TFAP2A: variants seen among roughly 807,000 people sequenced by gnomAD.
The protein encoded by TFAP2A is transcription factor AP-2-alpha.
In TFAP2A, 7 loss-of-function variants were observed where a neutral mutation model predicts 41.5. The ratio of observed to expected loss-of-function variants is 0.17; its 90% CI spans 0.10 to 0.32. TFAP2A has a LOEUF of 0.32. TFAP2A is among the 10% of genes least tolerant of loss of function. TFAP2A has a pLI of 1.00. For missense variants in TFAP2A, 416 were observed against 563.3 expected (o/e 0.74, Z 2.65); for synonymous variants, 247 against 242.8 (o/e 1.02, Z -0.16).
Position 10,398,484 on chromosome 6 carries a change from T to C in TFAP2A, c.1253A>G (p.Asn418Ser). 1 of 1,614,232 alleles carries C rather than the reference T, an allele frequency of 6.2e-7. No homozygotes were observed. Among genetic ancestry groups the C allele is most frequent in the South Asian group, 1.1e-5 (1 of 91,080 alleles). Reference protein sequence around the residue: ...LKAMDKMYLSNNPNSHTDNNA... With the variant: ...LKAMDKMYLSSNPNSHTDNNA... Reference sequence around the variant, plus strand: ...GTTGTCCGTGTGGCTGTTGGGGTTGTTGCTGAGGTACATTTTGTCCATGGC... The same window carrying C: ...GTTGTCCGTGTGGCTGTTGGGGTTGCTGCTGAGGTACATTTTGTCCATGGC... The change falls in exon 7 of 7, where the codon AAC becomes AGC. Residue 418 changes from asparagine (N) to serine (S), a missense_variant. By Grantham distance (46) the Asn-to-Ser change is conservative (BLOSUM62 1). Transcript: ENST00000379613. The surrounding 1 kb of genome is among the most constrained non-coding windows in gnomAD (Gnocchi z 5.3).
At chr6:10,408,278 CA>C (rs1238217128) in intron 2 of TFAP2A, among the ~76,000 whole-genome samples, 3 of 152,242 alleles carry the variant, frequency 2.0e-5, no homozygotes, top group Admixed American at 2.0e-4. Flanking sequence ...GAGGGAAAAA[CA>C]GCAACTGGGT....
intron 1 of TFAP2A, chr6:10,411,561 G>C (rs367606618): frequency 1.2e-6 from 2 of 1,613,932 alleles, no homozygotes; most frequent in African/African-American, 2.7e-5. Context: ...GGGTGGGGAT[G>C]GGACTCACCA....
rs1043516659 is a variant in TFAP2A, at chr6:10,398,265, G to T, written c.*152C>A. 3.9e-6 allele frequency: 6 copies of T among 1,554,066 alleles called. No homozygotes were observed. The highest frequency in any genetic ancestry group is 2.3e-5 in the East Asian group (1 of 43,540). ...GAGAGGGCAGTCCCGGAGACTCGGGGGGACCCAAGGGCAGCGGCGGCGGCG... is the reference window on the plus strand; with the variant it reads ...GAGAGGGCAGTCCCGGAGACTCGGGTGGACCCAAGGGCAGCGGCGGCGGCG... On this transcript the variant is annotated 3_prime_UTR_variant, in exon 7 of 7. Coordinates refer to ENST00000379613, the MANE Select transcript of TFAP2A (RefSeq NM_001372066.1). This position sits in a 1 kb window ranked among gnomAD's most constrained non-coding sequence, Gnocchi z 5.3.
At chr6:10,412,179 G>C (rs528943997) in intron 1 of TFAP2A, 1 of 987,752 alleles carries the variant, frequency 1.0e-6, no homozygotes. Flanking sequence ...AGTGGGGAGA[G>C]GGAGCGCGAG....
At chr6:10,401,871 T>C (rs1339254720) in intron 5 of TFAP2A, among the ~76,000 whole-genome samples, 1 of 152,222 alleles carries the variant, frequency 6.6e-6, no homozygotes, top group African/African-American at 2.4e-5. Flanking sequence ...CTTTTTGTTT[T>C]GAGGCATTTG....
Position 10,409,823 on chromosome 6 carries a change from G to GGAACA in TFAP2A, c.486+77_486+78insTGTTC, listed in dbSNP as rs759495024. On this transcript the variant is annotated intron_variant, in intron 2 of 6. Transcript: ENST00000379613. ...TAGGGAGAACCCGGGCCCACCGACT[G>GGAACA]TATGTTCCAGGTATCCTTTCTGGGG... 7.3e-6 allele frequency: 11 copies of GGAACA among 1,497,846 alleles called. No homozygotes were observed. In the Middle Eastern group the frequency reaches 5.0e-4, roughly 68 times the overall value. 92.8% of individuals were successfully genotyped at this position (1,497,846 alleles called of 1,614,324 possible). A position where few individuals can be genotyped will look rare whatever the true frequency, so the allele number is the denominator to read the frequency against.
At chr6:10,413,098 A>G (rs2113220369) in intron 1 of TFAP2A, among the ~76,000 whole-genome samples, 1 of 152,044 alleles carries the variant, frequency 6.6e-6, no homozygotes, top group Non-Finnish European at 1.5e-5. Flanking sequence ...TGCCTTTGCC[A>G]GTCTACCCGC....
upstream of TFAP2A, among the ~76,000 whole-genome samples, chr6:10,417,566 C>A (rs762241756): frequency 6.6e-6 from 1 of 152,164 alleles, no homozygotes; most frequent in Non-Finnish European, 1.5e-5. Flanking sequence ...GGTTGGAGGT[C>A]GGAGATCCAG....
intron 3 of TFAP2A, 109 bp downstream of exon 3, chr6:10,406,684 G>T: frequency 1.0e-6 from 1 of 961,170 alleles, no homozygotes; most frequent in Non-Finnish European, 1.7e-6. Flanking sequence ...TGCTAATTCT[G>T]AGCCTTTAGG....
At chr6:10,400,372 G>A in intron 6 of TFAP2A, 76 bp downstream of exon 6, 2 of 1,585,546 alleles carry the variant, frequency 1.3e-6, no homozygotes, top group South Asian at 2.2e-5. Context: ...AAGGGAGAAG[G>A]AAGAGCAAAA....
upstream of TFAP2A, chr6:10,415,467 G>T: frequency 3.8e-6 from 1 of 263,686 alleles, no homozygotes; most frequent in Non-Finnish European, 7.4e-6. Flanking sequence ...GCTCCGCCGC[G>T]AGGCCCTGCC....
chr6:10,410,305 C>T lies in TFAP2A; in HGVS notation c.82G>A (p.Ala28Thr), dbSNP rs1247903803. ...DRHDGTSNGT[A>T]RLPQLGTVGQ... Reference sequence around the variant, plus strand: ...ACAGTGCCCAGCTGGGGCAACCGTGCCGTCCCGTTGCTGGTGCCGTCGTGA... The same window carrying T: ...ACAGTGCCCAGCTGGGGCAACCGTGTCGTCCCGTTGCTGGTGCCGTCGTGA... The change falls in exon 2 of 7, where the codon GCA (alanine) becomes ACA (threonine). Residue 28 changes from alanine (A) to threonine (T), a missense_variant. Around this residue, in one of 3 missense-constraint regions of TFAP2A, gnomAD observed 241 missense variants for 274.1 expected, o/e 0.88. Transcript: ENST00000379613. 3 of 1,612,104 alleles carry T rather than the reference C, an allele frequency of 1.9e-6. No individual in the cohort carries two copies. The highest frequency in any genetic ancestry group is 1.7e-6 in the Non-Finnish European group (2 of 1,179,506).
chr6:10,412,953 G>C (rs1038097330), intron 1 of TFAP2A: 2 of 152,670 alleles, frequency 1.3e-5, no homozygotes, highest in Admixed American at 1.3e-4. Context: ...GGGCCGGGGC[G>C]CGCACAGACG....
At chr6:10,404,481 G>C in intron 4 of TFAP2A, 27 bp downstream of exon 4, 1 of 1,480,246 alleles carries the variant, frequency 6.8e-7, no homozygotes, top group Non-Finnish European at 9.0e-7. Context: ...CGCGGGGCGG[G>C]GCGGGCGGGG....
At chr6:10,415,090 A>G, upstream of TFAP2A, 1 of 1,593,354 alleles carries the variant, frequency 6.3e-7, no homozygotes, top group Non-Finnish European at 8.6e-7. Flanking sequence ...TGAGCGCAGG[A>G]GGAGGAGGAG....
Position 10,410,319 on chromosome 6 carries a change from G to A in TFAP2A, c.68C>T (p.Thr23Ile). 6.2e-7 allele frequency: 1 copy of A among 1,611,640 alleles called. No individual in the cohort carries two copies. Among genetic ancestry groups the A allele is most frequent in the East Asian group, 2.2e-5 (1 of 44,794 alleles). ...GGGCAACCGTGCCGTCCCGTTGCTG[G>A]TGCCGTCGTGACGGTCCTAGAAGAG... is the stretch of plus-strand genomic sequence containing the variant. ...YEDCEDRHDG[T>I]SNGTARLPQL... The change falls in exon 2 of 7, where the codon ACC becomes ATC. Residue 23 changes from threonine (T) to isoleucine (I), a missense_variant. Around this residue, in one of 3 missense-constraint regions of TFAP2A, gnomAD observed 241 missense variants for 274.1 expected, o/e 0.88. Transcript: ENST00000379613.
At chr6:10,413,584 A>T (rs1163793952) in intron 1 of TFAP2A, among the ~76,000 whole-genome samples, 1 of 152,208 alleles carries the variant, frequency 6.6e-6, no homozygotes, top group Non-Finnish European at 1.5e-5. Context: ...AAACAAAGCG[A>T]CTGGTCTGAC....
At chr6:10,412,858 A>G (rs1194184336) in intron 1 of TFAP2A, 2 of 156,128 alleles carry the variant, frequency 1.3e-5, no homozygotes, top group African/African-American at 2.4e-5. Flanking sequence ...CTTTCCTCGG[A>G]CAGGGGCACC....
intron 2 of TFAP2A, chr6:10,409,555 C>G (rs1581268410): frequency 7.1e-6 from 2 of 279,880 alleles, no homozygotes; most frequent in East Asian, 1.7e-4. Flanking sequence ...ATCTCCACGC[C>G]AGACTCAGCG....
Sources: allele counts gnomAD v4.1 joint callset (sites outside exome capture counted in the v4.1 genomes callset), GRCh38; gene constraint gnomAD v4.1.1; regional missense constraint gnomAD v4.1.1; non-coding constraint Gnocchi (gnomAD v3.1); transcripts MANE v1.5; gene names NCBI Gene and HGNC (gene_info 2026-07-23, HGNC 2026-07-21).